The following ASTN1 variants were observed in gnomAD, a reference collection of about 807,000 sequenced individuals.
The protein encoded by ASTN1 is astrotactin-1.
A neutral mutation model predicts 140.7 loss-of-function variants in ASTN1; 41 were observed. That is an observed-to-expected ratio of 0.29 (90% CI 0.23 to 0.38). The LOEUF (loss-of-function observed/expected upper bound fraction) is 0.38. ASTN1 is among the 10% of genes least tolerant of loss of function. The pLI, the probability that ASTN1 is intolerant of heterozygous loss-of-function variation, is 1.00. For missense variants in ASTN1, 1,479 were observed against 1,678.8 expected (o/e 0.88, Z 2.08); for synonymous variants, 640 against 652.2 (o/e 0.98, Z 0.29).
intron 1 of ASTN1, among the ~76,000 whole-genome samples, chr1:177,091,923 CT>C (rs1679773896): frequency 6.7e-6 from 1 of 150,364 alleles, no homozygotes; most frequent in Non-Finnish European, 1.5e-5. Flanking sequence ...TGTGGATTGT[CT>C]CTTTTTTTTA....
At chr1:177,146,704 G>C (rs1485892298) in intron 1 of ASTN1, among the ~76,000 whole-genome samples, 1 of 152,102 alleles carries the variant, frequency 6.6e-6, no homozygotes, top group Non-Finnish European at 1.5e-5. Flanking sequence ...TCTCTTGAAA[G>C]CTTGAATTTT....
At position 177,046,239 on chromosome 1, in the gene ASTN1, C is replaced by G. The variant is rs988165495; in HGVS notation, c.472-13390G>C. Among the ~76,000 whole-genome samples the G allele has an allele frequency of 2.6e-5, 4 of 152,150 alleles. No homozygotes were observed. In the South Asian group the frequency reaches 6.2e-4, roughly 24 times the overall value. ...ACTCCAATTTTTTCTCTCTCTCAGT[C>G]AGCAAAGTATAACACAATGTAAGTT... On this transcript the variant is annotated intron_variant, in intron 2 of 22. Coordinates refer to ENST00000361833, the MANE Select transcript of ASTN1 (RefSeq NM_004319.3).
At chr1:177,025,848 G>T (rs1452588622) in intron 5 of ASTN1, among the ~76,000 whole-genome samples, 1 of 152,148 alleles carries the variant, frequency 6.6e-6, no homozygotes, top group African/African-American at 2.4e-5. Flanking sequence ...CAGTGCTCAG[G>T]GTTTGATGTG....
downstream of ASTN1, among the ~76,000 whole-genome samples, chr1:176,859,778 C>A (rs1051488831): frequency 1.3e-5 from 2 of 152,170 alleles, no homozygotes; most frequent in African/African-American, 2.4e-5. Context: ...GAGCAAAACT[C>A]CGTCTCACAA....
intron 20 of ASTN1, among the ~76,000 whole-genome samples, chr1:176,879,837 C>T (rs1668713963): frequency 6.6e-6 from 1 of 152,204 alleles, no homozygotes; most frequent in Non-Finnish European, 1.5e-5. Flanking sequence ...GACCTAAGGG[C>T]CATTCCTCAG....
chr1:177,068,571 G>A (rs1195260671), intron 1 of ASTN1, among the ~76,000 whole-genome samples: 2 of 152,158 alleles, frequency 1.3e-5, no homozygotes, highest in African/African-American at 4.8e-5. Context: ...GAATGGGAGT[G>A]TTGTAAGCTC....
Position 176,994,018 on chromosome 1 carries a change from C to T in ASTN1, c.1523+20773G>A, listed in dbSNP as rs547901282. Among the ~76,000 whole-genome samples, 315 of 74,318 alleles carry T rather than the reference C, an allele frequency of 4.2e-3. 4 individuals are homozygous for T. The highest frequency in any genetic ancestry group is 0.018 in the African/African-American group (288 of 15,696). 48.8% of individuals were successfully genotyped at this position (74,318 alleles called of 152,430 possible). A position where few individuals can be genotyped will look rare whatever the true frequency, so the allele number is the denominator to read the frequency against. ...TTTAGATGTGAGAACTGTGTGTGTA[C>T]GTGTGTGTGTGTGTGTGAATGTGGT... On this transcript the variant is annotated intron_variant, in intron 8 of 22. Coordinates refer to ENST00000361833, the MANE Select transcript of ASTN1 (RefSeq NM_004319.3).
intron 1 of ASTN1, among the ~76,000 whole-genome samples, chr1:177,158,504 A>G (rs1683340221): frequency 6.6e-6 from 1 of 152,168 alleles, no homozygotes; most frequent in Admixed American, 6.5e-5. Flanking sequence ...CTGTGTGCAT[A>G]TACATGAACT....
intron 2 of ASTN1, among the ~76,000 whole-genome samples, chr1:177,050,628 C>T (rs1475727504): frequency 6.6e-6 from 1 of 152,138 alleles, no homozygotes; most frequent in Non-Finnish European, 1.5e-5. Flanking sequence ...TGACATCTGC[C>T]TCTCACACAG....
In ASTN1 at chr1:176,876,603, G is replaced by C. The variant is rs746195703; in HGVS notation, c.3397C>G (p.Arg1133Gly). The C allele has an allele frequency of 6.2e-7, 1 of 1,614,122 alleles. No homozygotes were observed. The highest frequency in any genetic ancestry group is 8.5e-7 in the Non-Finnish European group (1 of 1,180,028). Reference protein sequence around the residue: ...TLWGVDNTGRRSRPSDVIVKT... With the variant: ...TLWGVDNTGRGSRPSDVIVKT... Reference sequence around the variant, plus strand: ...ACGATCACGTCGCTTGGCCTGGAGCGCCGTCCTGTGTTGTCCACTCCCCAC... The same window carrying C: ...ACGATCACGTCGCTTGGCCTGGAGCCCCGTCCTGTGTTGTCCACTCCCCAC... Residue 1133 changes from arginine (R) to glycine (G), a missense_variant, in exon 21 of 23, where the codon CGC (arginine) becomes GGC (glycine). Physicochemically the swap from Arg to Gly is moderately radical, Grantham distance 125. Around this residue, in one of 3 missense-constraint regions of ASTN1, gnomAD observed 746 missense variants for 800.9 expected, o/e 0.93. Transcript: ENST00000361833.
rs371270423 is a variant in ASTN1 at position 177,029,593 on chromosome 1, C to G, written c.1120+41G>C. 9 of 1,595,084 alleles carry G rather than the reference C, an allele frequency of 5.6e-6. No individual in the cohort carries two copies. In the African/African-American group the frequency reaches 1.2e-4, roughly 21 times the overall value. ...TCGCCTTCCCCCGCCTCCCTCACTC[C>G]CAGATCCTTTACCACCTTCTGCCAC... On this transcript the variant is annotated intron_variant, in intron 5 of 22. Transcript: ENST00000361833.
At chr1:176,891,703 G>A (rs1456325111) in intron 17 of ASTN1, among the ~76,000 whole-genome samples, 2 of 152,176 alleles carry the variant, frequency 1.3e-5, no homozygotes, top group East Asian at 1.9e-4. Context: ...TGAGGCAGGA[G>A]AATCGCTTGA....
intron 1 of ASTN1, among the ~76,000 whole-genome samples, chr1:177,071,498 G>T (rs963906846): frequency 6.6e-6 from 1 of 152,184 alleles, no homozygotes; most frequent in African/African-American, 2.4e-5. Context: ...AAGAAGTACT[G>T]CACTCAAGTA....
intron 11 of ASTN1, among the ~76,000 whole-genome samples, chr1:176,953,850 G>A (rs1277865064): frequency 6.6e-6 from 1 of 152,186 alleles, no homozygotes; most frequent in African/African-American, 2.4e-5. Flanking sequence ...GCTCACCTGT[G>A]TACATTCTTA....
intron 8 of ASTN1, among the ~76,000 whole-genome samples, chr1:176,971,266 C>T (rs1199960566): frequency 6.6e-6 from 1 of 152,126 alleles, no homozygotes; most frequent in Non-Finnish European, 1.5e-5. Flanking sequence ...TGAACCATCA[C>T]ATGCCTCAAT....
At chr1:177,140,676 A>T (rs1682424982) in intron 1 of ASTN1, among the ~76,000 whole-genome samples, 1 of 152,170 alleles carries the variant, frequency 6.6e-6, no homozygotes, top group African/African-American at 2.4e-5. Context: ...CTCTCATCTA[A>T]GCCAGGATTA....
intron 1 of ASTN1, among the ~76,000 whole-genome samples, chr1:177,124,621 C>A (rs981823452): frequency 6.6e-6 from 1 of 152,124 alleles, no homozygotes; most frequent in East Asian, 1.9e-4. Context: ...ACCACAGAAG[C>A]CACTGCCCAG....
intron 5 of ASTN1, among the ~76,000 whole-genome samples, chr1:177,027,082 A>G (rs1457604100): frequency 6.6e-6 from 1 of 152,188 alleles, no homozygotes; most frequent in Non-Finnish European, 1.5e-5. Context: ...TGACAAGACC[A>G]TCATAGTTTA....
intron 16 of ASTN1, among the ~76,000 whole-genome samples, chr1:176,909,261 C>T (rs1246100707): frequency 6.6e-6 from 1 of 152,210 alleles, no homozygotes; most frequent in East Asian, 1.9e-4. Flanking sequence ...ATGTTAAATG[C>T]ATAACTAGTT....
Sources: gnomAD v4.1 joint callset for allele counts (sites outside exome capture counted in the v4.1 genomes callset) on GRCh38, gnomAD v4.1.1 for gene constraint, gnomAD v4.1.1 regional missense constraint, MANE v1.5 for transcripts, NCBI Gene and HGNC (gene_info 2026-07-23, HGNC 2026-07-21) for gene names.